ABI3BP: variants seen among roughly 807,000 people sequenced by gnomAD.
ABI3BP encodes target of Nesh-SH3.
Under a neutral mutation model 268.6 loss-of-function variants are expected in ABI3BP, and 216 were observed. The ratio of observed to expected loss-of-function variants is 0.80; its 90% CI spans 0.72 to 0.90. ABI3BP has a LOEUF of 0.90. Ranked by LOEUF, ABI3BP falls within the 40% of genes least tolerant of loss-of-function variation. The pLI, the probability that ABI3BP is intolerant of heterozygous loss-of-function variation, is 0.00. For missense variants in ABI3BP, 2,090 were observed against 2,182.4 expected (o/e 0.96, Z 0.84); for synonymous variants, 730 against 730.0 (o/e 1.00, Z 0.00).
chr3:100,929,418 T>C (rs1260203233), intron 1 of ABI3BP, among the ~76,000 whole-genome samples: 1 of 152,026 alleles, frequency 6.6e-6, no homozygotes, highest in Non-Finnish European at 1.5e-5. Flanking sequence ...ACAATGTATA[T>C]CCACAAATAC....
chr3:100,783,760 C>G (rs2096939846), intron 57 of ABI3BP, among the ~76,000 whole-genome samples: 1 of 152,188 alleles, frequency 6.6e-6, no homozygotes, highest in South Asian at 2.1e-4. Flanking sequence ...ACACAGTACA[C>G]ATTGTACATA....
chr3:100,835,997 T>C (rs2152861218), intron 27 of ABI3BP, among the ~76,000 whole-genome samples: 1 of 152,282 alleles, frequency 6.6e-6, no homozygotes, highest in Admixed American at 6.5e-5. Context: ...CTTCTGTTGG[T>C]ATTTAAAAAG....
intron 57 of ABI3BP, among the ~76,000 whole-genome samples, chr3:100,781,874 G>A (rs1319551855): frequency 6.6e-6 from 1 of 152,146 alleles, no homozygotes; most frequent in Non-Finnish European, 1.5e-5. Flanking sequence ...TCCCACAGAT[G>A]AGAAAATCCA....
intron 62 of ABI3BP, among the ~76,000 whole-genome samples, chr3:100,768,190 T>G (rs879756618): frequency 3.6e-4 from 53 of 146,236 alleles, no homozygotes; most frequent in Admixed American, 7.1e-4. Context: ...CTGGGTTCAC[T>G]CCATTCTCCT....
At chr3:100,784,644 A>G (rs1164164120) in intron 57 of ABI3BP, among the ~76,000 whole-genome samples, 1 of 152,198 alleles carries the variant, frequency 6.6e-6, no homozygotes. Flanking sequence ...ACCATTGACT[A>G]ATAAGTAGAT....
chr3:100,948,092 T>A (rs1160892907), intron 1 of ABI3BP, among the ~76,000 whole-genome samples: 1 of 152,032 alleles, frequency 6.6e-6, no homozygotes, highest in East Asian at 1.9e-4. Flanking sequence ...ACAAAGACAG[T>A]CTGGTGGGAT....
intron 17 of ABI3BP, among the ~76,000 whole-genome samples, chr3:100,849,509 G>A (rs2098815505): frequency 6.6e-6 from 1 of 152,014 alleles, no homozygotes; most frequent in Non-Finnish European, 1.5e-5. Context: ...CAGGCGTGAG[G>A]CACCACACCC....
In ABI3BP at chr3:100,815,958, G is replaced by A; in HGVS notation, c.3243C>T (p.Gly1081=). The A allele has an allele frequency of 1.3e-6, 2 of 1,522,110 alleles. No individual in the cohort carries two copies. The highest frequency in any genetic ancestry group is 1.2e-5 in the South Asian group (1 of 80,876). 94.3% of individuals were successfully genotyped at this position (1,522,110 alleles called of 1,614,324 possible). The change falls in exon 44 of 68, where the codon GGC becomes GGT. Residue 1081 remains glycine (G), a synonymous_variant. Coordinates refer to ENST00000471714, the MANE Select transcript of ABI3BP (RefSeq NM_001375547.2). ...VPQNKSVSVT[G]FEPVVHSTDA... ...CAGTACTATGAACAACAGGTTCAAAGCCTGTAACAGAAACTAACCAAAAGC... is the reference window on the plus strand; with the variant it reads ...CAGTACTATGAACAACAGGTTCAAAACCTGTAACAGAAACTAACCAAAAGC...
chr3:100,810,301 C>T lies in ABI3BP; in HGVS notation c.3607+111G>A, dbSNP rs1393379909. ...ACATCAGACAGGTAGGATTACCCAT[C>T]AAAGTCTGTGGGCAGAATGATGAAG... On this transcript the variant is annotated intron_variant, in intron 49 of 67. Coordinates refer to ENST00000471714, the MANE Select transcript of ABI3BP (RefSeq NM_001375547.2). 3.1e-5 allele frequency: 27 copies of T among 878,320 alleles called. No individual in the cohort carries two copies. The South Asian group carries it at 4.9e-4, about 16-fold the overall frequency. The allele number at this position is 878,320 out of a possible 1,614,324, so 54.4% of individuals were successfully genotyped here.
At chr3:100,954,959 A>G (rs1562017515) in intron 1 of ABI3BP, among the ~76,000 whole-genome samples, 1 of 148,548 alleles carries the variant, frequency 6.7e-6, no homozygotes, top group Non-Finnish European at 1.5e-5. Flanking sequence ...CATCCCTTTA[A>G]TGTTTTAAAT....
At chr3:100,846,286 A>C (rs2098767418) in intron 20 of ABI3BP, 86 bp downstream of exon 20, 1 of 929,492 alleles carries the variant, frequency 1.1e-6, no homozygotes, top group Non-Finnish European at 1.6e-6. Context: ...TCAAAATATA[A>C]ATCAGAAATT....
At chr3:100,901,213 T>G (rs1021634239) in intron 3 of ABI3BP, among the ~76,000 whole-genome samples, 14 of 152,166 alleles carry the variant, frequency 9.2e-5, no homozygotes, top group African/African-American at 3.4e-4. Flanking sequence ...AATTAGTATT[T>G]TTCAAAATGC....
chr3:100,820,700 T>C (rs2098192285), intron 39 of ABI3BP, among the ~76,000 whole-genome samples: 1 of 152,188 alleles, frequency 6.6e-6, no homozygotes, highest in African/African-American at 2.4e-5. Context: ...AATAGAACTT[T>C]AGATTCATAA....
intron 56 of ABI3BP, among the ~76,000 whole-genome samples, chr3:100,788,188 C>T (rs2097105888): frequency 6.6e-6 from 1 of 152,114 alleles, no homozygotes; most frequent in Non-Finnish European, 1.5e-5. Context: ...TTTGTCAAGG[C>T]CTCCATTCAT....
At chr3:100,869,956 C>G (rs1432687471) in intron 9 of ABI3BP, among the ~76,000 whole-genome samples, 1 of 152,060 alleles carries the variant, frequency 6.6e-6, no homozygotes, top group Non-Finnish European at 1.5e-5. Context: ...TGTGTGTAAT[C>G]CTAACTTTTT....
intron 57 of ABI3BP, among the ~76,000 whole-genome samples, chr3:100,782,707 A>G (rs370294949): frequency 1.2e-4 from 19 of 152,268 alleles, no homozygotes; most frequent in South Asian, 4.2e-4. Flanking sequence ...GAGCAAATGA[A>G]GGTCAAAGGT....
intron 4 of ABI3BP, among the ~76,000 whole-genome samples, chr3:100,888,364 T>A (rs2042937007): frequency 6.6e-6 from 1 of 152,114 alleles, no homozygotes; most frequent in Non-Finnish European, 1.5e-5. Context: ...TTTTTATTGT[T>A]ATTTTTTCCC....
chr3:100,851,482 A>T (rs1291860352), intron 15 of ABI3BP, among the ~76,000 whole-genome samples: 1 of 152,168 alleles, frequency 6.6e-6, no homozygotes, highest in African/African-American at 2.4e-5. Context: ...GACAACCAAA[A>T]CTGTCTCCAC....
At chr3:100,894,966 A>AAAAAAAAAAAAAAAAAAAC (rs1561385846) in intron 4 of ABI3BP, among the ~76,000 whole-genome samples, 2 of 138,614 alleles carry the variant, frequency 1.4e-5, no homozygotes, top group Non-Finnish European at 3.2e-5. Context: ...AAAAAAAAAA[A>AAAAAAAAAAAAAAAAAAAC]ACAGAAAAAA....
Sources: gnomAD v4.1 joint callset for allele counts (sites outside exome capture counted in the v4.1 genomes callset) on GRCh38, gnomAD v4.1.1 for gene constraint, MANE v1.5 for transcripts, NCBI Gene and HGNC (gene_info 2026-07-23, HGNC 2026-07-21) for gene names.